The following FBXO32 variants were observed in gnomAD, a reference collection of about 807,000 sequenced individuals.
FBXO32 encodes the protein F-box only protein 32.
A neutral mutation model predicts 48.3 loss-of-function variants in FBXO32; 15 were observed. The observed-to-expected ratio is 0.31, with a 90% CI of 0.21 to 0.48. FBXO32 has a LOEUF of 0.48. Among genes scored for constraint, FBXO32 ranks in the 20% least tolerant of loss-of-function variants. The pLI is 0.99. For missense variants in FBXO32, 309 were observed against 432.7 expected (o/e 0.71, Z 2.54); for synonymous variants, 154 against 165.9 (o/e 0.93, Z 0.55).
chr8:123,531,193 G>T (rs907711329), intron 4 of FBXO32, among the ~76,000 whole-genome samples: 2 of 151,622 alleles, frequency 1.3e-5, no homozygotes, highest in African/African-American at 4.9e-5. Flanking sequence ...TGTTGTCCAG[G>T]CTGGTCTCAA....
rs149011780 is a variant in FBXO32 at position 123,535,826 on chromosome 8, G to GTTTTT, written c.117-1013_117-1012insAAAAA. Among the ~76,000 whole-genome samples, 255 of 133,492 alleles carry GTTTTT rather than the reference G, an allele frequency of 1.9e-3. 2 individuals carry two copies. Among genetic ancestry groups the GTTTTT allele is most frequent in the South Asian group, 6.4e-3 (29 of 4,548 alleles). 87.6% of individuals were successfully genotyped at this position (133,492 alleles called of 152,430 possible). The stretch of plus-strand genomic sequence containing the variant: ...GCCAACTGGTAAAACATAAATTAGG[G>GTTTTT]GTTTTTTTTTTTTTGCTATACCACC... On this transcript the variant is annotated intron_variant, in intron 1 of 8. Transcript: ENST00000517956.
At chr8:123,531,368 C>T (rs117041855) in intron 4 of FBXO32, among the ~76,000 whole-genome samples, 2,089 of 152,346 alleles carry the variant, frequency 0.014, 20 homozygotes, top group Non-Finnish European at 0.023. Context: ...GCACAAAACA[C>T]GGAGGTGCTT....
rs1487547372 is a variant in FBXO32, at chr8:123,541,016, G to C, written c.-2C>G. 1 of 1,603,886 alleles carries C rather than the reference G, an allele frequency of 6.2e-7. No individual in the cohort carries two copies. On this transcript the variant is annotated 5_prime_UTR_variant, in exon 1 of 9. Transcript: ENST00000517956. ...CCAGTCCTGCCCGAGGAATGGCATG[G>C]CACCGCGAGCGGACTAGACGGATGG...
chr8:123,521,691 C>A (rs963698662), intron 4 of FBXO32, among the ~76,000 whole-genome samples: 1 of 151,908 alleles, frequency 6.6e-6, no homozygotes, highest in African/African-American at 2.4e-5. Flanking sequence ...CACAATTTAT[C>A]CCCAAATTCC....
At position 123,501,481 on chromosome 8, in the gene FBXO32, T is replaced by C. The variant is rs897462609; in HGVS notation, c.*1892A>G. On this transcript the variant is annotated 3_prime_UTR_variant, in exon 9 of 9. Coordinates refer to ENST00000517956, the MANE Select transcript of FBXO32 (RefSeq NM_058229.4). Reference sequence around the variant, plus strand: ...CCTATTCTTTCATATTTAATTTCTCTTATTAGGGAAAATTTAAATTCAATG... The same window carrying C: ...CCTATTCTTTCATATTTAATTTCTCCTATTAGGGAAAATTTAAATTCAATG... 1 of 152,176 alleles carries C rather than the reference T, an allele frequency of 6.6e-6. No homozygotes were observed. Among genetic ancestry groups the C allele is most frequent in the Non-Finnish European group, 1.5e-5 (1 of 68,040 alleles). 9.4% of individuals were successfully genotyped at this position (152,176 alleles called of 1,614,324 possible). A position where few individuals can be genotyped will look rare whatever the true frequency, so the allele number is the denominator to read the frequency against.
In FBXO32 at chr8:123,499,404, A is replaced by G. The variant is rs182430434; in HGVS notation, c.*3969T>C. 56 of 152,202 alleles carry G rather than the reference A, an allele frequency of 3.7e-4. 1 individual carries two copies. Among genetic ancestry groups the G allele is most frequent in the African/African-American group, 1.3e-3 (53 of 41,522 alleles). The allele number at this position is 152,202 out of a possible 1,614,324, so 9.4% of individuals were successfully genotyped here. A position where few individuals can be genotyped will look rare whatever the true frequency, so the allele number is the denominator to read the frequency against. On this transcript the variant is annotated 3_prime_UTR_variant, in exon 9 of 9. Coordinates refer to ENST00000517956, the MANE Select transcript of FBXO32 (RefSeq NM_058229.4). ...GTGTTTTGAGGTCTGTTTAAGCACT[A>G]ATAGGATTTTAGGCCAGCATCCAGT...
intron 4 of FBXO32, among the ~76,000 whole-genome samples, chr8:123,530,481 C>T (rs766748416): frequency 1.1e-4 from 16 of 152,160 alleles, no homozygotes; most frequent in Non-Finnish European, 1.8e-4. Flanking sequence ...CCCAGGTTGA[C>T]TGCTGACAAA....
At chr8:123,536,428 T>C (rs1817311047) in intron 1 of FBXO32, among the ~76,000 whole-genome samples, 2 of 152,206 alleles carry the variant, frequency 1.3e-5, no homozygotes, top group Non-Finnish European at 2.9e-5. Flanking sequence ...ACCAGCTGAT[T>C]ATCTGCTCCA....
rs1816626930 is a variant in FBXO32 at position 123,506,577 on chromosome 8, G to A, written c.652-3C>T. 6.3e-7 allele frequency: 1 copy of A among 1,583,360 alleles called. No individual in the cohort carries two copies. Among genetic ancestry groups the A allele is most frequent in the East Asian group, 2.3e-5 (1 of 44,238 alleles). Reference sequence around the variant, plus strand: ...AAGGTGAGGCCTTTGAAGGCAGGCTGCAGAGAGAAGGGTGACAATAGGTGG... The same window carrying A: ...AAGGTGAGGCCTTTGAAGGCAGGCTACAGAGAGAAGGGTGACAATAGGTGG... On this transcript the variant is annotated splice_region_variant and splice_polypyrimidine_tract_variant and intron_variant, in intron 6 of 8. Coordinates refer to ENST00000517956, the MANE Select transcript of FBXO32 (RefSeq NM_058229.4). This position sits in a 1 kb window ranked among gnomAD's most constrained non-coding sequence, Gnocchi z 4.0.
Position 123,506,564 on chromosome 8 carries a change from T to C in FBXO32, c.662A>G (p.Lys221Arg). 1.3e-6 allele frequency: 2 copies of C among 1,593,100 alleles called. No homozygotes were observed. Among genetic ancestry groups the C allele is most frequent in the South Asian group, 1.1e-5 (1 of 89,352 alleles). ...NNIQITRPAF[K>R]GLTFTDLPLC... ...AGGCAGGTCAGTGAAGGTGAGGCCT[T>C]TGAAGGCAGGCTGCAGAGAGAAGGG... The change falls in exon 7 of 9, where the codon AAA becomes AGA. Residue 221 changes from lysine to arginine, a missense_variant. By Grantham distance (26) the Lys-to-Arg change is conservative. Transcript: ENST00000517956. This position sits in a 1 kb window ranked among gnomAD's most constrained non-coding sequence, Gnocchi z 4.0.
At chr8:123,504,573 G>C (rs73330050) in intron 8 of FBXO32, 31 bp downstream of exon 8, 1 of 1,599,636 alleles carries the variant, frequency 6.3e-7, no homozygotes, top group Non-Finnish European at 8.5e-7. Flanking sequence ...CTGGGCTGGG[G>C]GTCTGTGGCA....
chr8:123,528,595 C>T (rs1817137232), intron 4 of FBXO32, among the ~76,000 whole-genome samples: 2 of 152,080 alleles, frequency 1.3e-5, no homozygotes, highest in African/African-American at 4.8e-5. Context: ...AGCTTGTAGC[C>T]AGTGAAAATG....
chr8:123,532,084 G>A, intron 3 of FBXO32, 94 bp from the exon 4 acceptor site: 2 of 1,556,434 alleles, frequency 1.3e-6, no homozygotes. Context: ...ACTGGATTTT[G>A]CCGAATGAGC....
rs1426557453 is a variant in FBXO32 at position 123,498,165 on chromosome 8, A to G, written c.*5208T>C. The G allele has an allele frequency of 6.6e-6, 1 of 152,248 alleles. No homozygotes were observed. Among genetic ancestry groups the G allele is most frequent in the Non-Finnish European group, 1.5e-5 (1 of 68,048 alleles). 9.4% of individuals were successfully genotyped at this position (152,248 alleles called of 1,614,324 possible). A position where few individuals can be genotyped will look rare whatever the true frequency, so the allele number is the denominator to read the frequency against. ...CTAAGCTTAGGACACAGGCTGTAAT[A>G]TACGCCCACTTTAGCCATGGTGATT... On this transcript the variant is annotated 3_prime_UTR_variant, in exon 9 of 9. Coordinates refer to ENST00000517956, the MANE Select transcript of FBXO32 (RefSeq NM_058229.4).
rs1457915977 is a variant in FBXO32 at position 123,540,726 on chromosome 8, G to A, written c.116+173C>T. 6.6e-6 allele frequency among the ~76,000 whole-genome samples: 1 copy of A among 152,164 alleles called. No homozygotes were observed. Among genetic ancestry groups the A allele is most frequent in the Non-Finnish European group, 1.5e-5 (1 of 68,010 alleles). The stretch of plus-strand genomic sequence containing the variant: ...AAGAGAAACCGAATTCCCTGTCTCC[G>A]GTGGTCCGAAGACCTCTGCAGAAAT... On this transcript the variant is annotated intron_variant, in intron 1 of 8. Coordinates refer to ENST00000517956, the MANE Select transcript of FBXO32 (RefSeq NM_058229.4). This position sits in a 1 kb window ranked among gnomAD's most constrained non-coding sequence, Gnocchi z 6.4.
At chr8:123,508,778 T>C (rs1443570782) in intron 6 of FBXO32, among the ~76,000 whole-genome samples, 1 of 152,184 alleles carries the variant, frequency 6.6e-6, no homozygotes, top group African/African-American at 2.4e-5. Context: ...TGGTTAAAAC[T>C]CCCAGGCCAA....
Position 123,499,628 on chromosome 8 carries a change from G to A in FBXO32, c.*3745C>T, listed in dbSNP as rs28695568. The A allele has an allele frequency of 1.8e-4, 28 of 152,248 alleles. No individual in the cohort carries two copies. The highest frequency in any genetic ancestry group is 8.5e-4 in the Admixed American group (13 of 15,296). 9.4% of individuals were successfully genotyped at this position (152,248 alleles called of 1,614,324 possible). A position where few individuals can be genotyped will look rare whatever the true frequency, so the allele number is the denominator to read the frequency against. On this transcript the variant is annotated 3_prime_UTR_variant, in exon 9 of 9. Coordinates refer to ENST00000517956, the MANE Select transcript of FBXO32 (RefSeq NM_058229.4). ...GCCTGGCAGAAAAACATAAACTCAG[G>A]TGTATATTTTATAATAAACATTGTA...
intron 4 of FBXO32, among the ~76,000 whole-genome samples, chr8:123,530,960 A>T (rs1167572376): frequency 7.3e-6 from 1 of 137,666 alleles, no homozygotes. Flanking sequence ...GGAAAGCAAC[A>T]GATCCAGTCA....
intron 3 of FBXO32, among the ~76,000 whole-genome samples, chr8:123,532,609 G>A (rs1415536698): frequency 6.6e-6 from 1 of 152,170 alleles, no homozygotes; most frequent in African/African-American, 2.4e-5. Context: ...AAATCACAGA[G>A]GGGACTAGAT....
Sources: allele counts gnomAD v4.1 joint callset (sites outside exome capture counted in the v4.1 genomes callset), GRCh38; gene constraint gnomAD v4.1.1; non-coding constraint Gnocchi (gnomAD v3.1); transcripts MANE v1.5; gene names NCBI Gene and HGNC (gene_info 2026-07-23, HGNC 2026-07-21).